The following SAMMSON variants were observed in gnomAD, a reference collection of about 807,000 sequenced individuals.
The protein encoded by SAMMSON is long intergenic non-protein coding RNA 1212.
At chr3:70,201,240 C>T (rs1701235151) in intron 4 of SAMMSON, among the ~76,000 whole-genome samples, 1 of 152,056 alleles carries the variant, frequency 6.6e-6, no homozygotes, top group Admixed American at 6.6e-5. Flanking sequence ...TCGTTCCCCT[C>T]TCTGTGTTTA....
chr3:70,411,000 C>G (rs1701213911), intron 2 of SAMMSON, among the ~76,000 whole-genome samples: 1 of 152,168 alleles, frequency 6.6e-6, no homozygotes, highest in South Asian at 2.1e-4. Flanking sequence ...ATTATTATAT[C>G]CAAGAAGCCA....
intron 2 of SAMMSON, among the ~76,000 whole-genome samples, chr3:70,013,367 G>C (rs763090631): frequency 2.6e-5 from 4 of 152,038 alleles, no homozygotes; most frequent in Non-Finnish European, 5.9e-5. Context: ...TAAAGCATTT[G>C]GCACATAGTA....
At chr3:70,169,645 C>CT (rs11384588) in intron 4 of SAMMSON, among the ~76,000 whole-genome samples, 138,950 of 142,802 alleles carry the variant, frequency 0.97, 67,615 homozygotes, top group East Asian at 0.99. Context: ...TTTCTTTTTT[C>CT]TTTTTTTTTT....
At chr3:70,191,066 T>C (rs941745008) in intron 4 of SAMMSON, among the ~76,000 whole-genome samples, 2 of 152,232 alleles carry the variant, frequency 1.3e-5, no homozygotes, top group African/African-American at 4.8e-5. Flanking sequence ...GAGAGGATCT[T>C]CTTCTATATT....
chr3:70,388,064 G>A (rs944681086), intron 9 of SAMMSON, among the ~76,000 whole-genome samples: 2 of 152,034 alleles, frequency 1.3e-5, no homozygotes, highest in African/African-American at 4.8e-5. Context: ...TGACACGTTG[G>A]TCAACAAACA....
At chr3:70,081,109 G>GTTTTGT (rs772446220) in intron 4 of SAMMSON, among the ~76,000 whole-genome samples, 21 of 152,144 alleles carry the variant, frequency 1.4e-4, no homozygotes, top group East Asian at 7.7e-4. Flanking sequence ...CTTTGTTGTT[G>GTTTTGT]TTTTGTTTTT....
chr3:70,133,982 G>A (rs1221382228), intron 4 of SAMMSON, among the ~76,000 whole-genome samples: 7 of 151,118 alleles, frequency 4.6e-5, no homozygotes, highest in African/African-American at 9.7e-5. Flanking sequence ...GGTGGCTTAC[G>A]CCTGTAATCC....
At chr3:70,379,852 T>C (rs990910296) in intron 9 of SAMMSON, among the ~76,000 whole-genome samples, 4 of 152,168 alleles carry the variant, frequency 2.6e-5, no homozygotes, top group African/African-American at 9.6e-5. Flanking sequence ...ATATAGTGTA[T>C]GGTATTTGTT....
At chr3:70,084,164 T>C (rs912976143) in intron 4 of SAMMSON, among the ~76,000 whole-genome samples, 1 of 152,172 alleles carries the variant, frequency 6.6e-6, no homozygotes, top group Non-Finnish European at 1.5e-5. Flanking sequence ...TTTTTGTGTG[T>C]CGTTCTTCAG....
intron 6 of SAMMSON, among the ~76,000 whole-genome samples, chr3:70,274,056 CGT>C (rs111792704): frequency 0.011 from 1,535 of 142,932 alleles, 44 homozygotes; most frequent in South Asian, 0.02. Context: ...ATTAAACCTC[CGT>C]GTGTGTGTGT....
intron 4 of SAMMSON, among the ~76,000 whole-genome samples, chr3:70,176,485 T>C (rs1701011271): frequency 6.6e-6 from 1 of 152,198 alleles, no homozygotes; most frequent in Non-Finnish European, 1.5e-5. Context: ...CAAAATATTC[T>C]TTTGTAATGT....
At chr3:70,194,795 A>G (rs940821229) in intron 4 of SAMMSON, among the ~76,000 whole-genome samples, 7 of 152,218 alleles carry the variant, frequency 4.6e-5, no homozygotes, top group Non-Finnish European at 8.8e-5. Flanking sequence ...CCAATATGGC[A>G]TGGCCTCACC....
At chr3:70,258,912 A>AT (rs1002557439) in intron 6 of SAMMSON, among the ~76,000 whole-genome samples, 11 of 151,540 alleles carry the variant, frequency 7.3e-5, no homozygotes, top group Admixed American at 3.9e-4. Flanking sequence ...AATTTCTTTA[A>AT]TTTTTTCACA....
At chr3:70,255,205 C>A (rs941217905) in intron 6 of SAMMSON, among the ~76,000 whole-genome samples, 1 of 152,068 alleles carries the variant, frequency 6.6e-6, no homozygotes, top group African/African-American at 2.4e-5. Context: ...AAAGTAAAAA[C>A]TTAAAATATT....
At chr3:70,247,975 C>A (rs1322398432) in intron 4 of SAMMSON, among the ~76,000 whole-genome samples, 6 of 151,994 alleles carry the variant, frequency 3.9e-5, no homozygotes, top group African/African-American at 7.2e-5. Context: ...GAATTTAATG[C>A]TACAATGATC....
At chr3:70,245,671 T>TA (rs1326051204) in intron 4 of SAMMSON, among the ~76,000 whole-genome samples, 1 of 57,222 alleles carries the variant, frequency 1.7e-5, no homozygotes, top group Non-Finnish European at 3.4e-5. Context: ...GCAAACTGCT[T>TA]TATATATATA....
chr3:70,328,971 A>C (rs750110314), intron 7 of SAMMSON, among the ~76,000 whole-genome samples: 1 of 152,168 alleles, frequency 6.6e-6, no homozygotes, highest in Non-Finnish European at 1.5e-5. Flanking sequence ...ATGACAACAG[A>C]CAGTAGCCAT....
intron 3 of SAMMSON, among the ~76,000 whole-genome samples, chr3:70,056,978 AG>A (rs1468612668): frequency 6.6e-6 from 1 of 152,108 alleles, no homozygotes; most frequent in East Asian, 1.9e-4. Flanking sequence ...CTGCAACCAG[AG>A]AAAACATTTA....
intron 1 of SAMMSON, among the ~76,000 whole-genome samples, chr3:70,009,617 G>GT (rs566776471): frequency 0.022 from 3,318 of 151,752 alleles, 48 homozygotes; most frequent in South Asian, 0.053. Flanking sequence ...TTTTTGAAGG[G>GT]TTTTTTGTGT....
Sources: allele counts gnomAD v4.1 joint callset (sites outside exome capture counted in the v4.1 genomes callset), GRCh38; gene constraint gnomAD v4.1.1; transcripts MANE v1.5; gene names NCBI Gene and HGNC (gene_info 2026-07-23, HGNC 2026-07-21).